DYSF: variants seen among roughly 807,000 people sequenced by gnomAD.
DYSF encodes dystrophy-associated fer-1-like 1.
A neutral mutation model predicts 274.9 loss-of-function variants in DYSF; 212 were observed. The ratio of observed to expected loss-of-function variants is 0.77; its 90% CI spans 0.69 to 0.86. The LOEUF is 0.86. Ranked by LOEUF, DYSF falls within the 40% of genes least tolerant of loss-of-function variation. DYSF has a pLI of 0.00. For missense variants in DYSF, 2,666 were observed against 2,783.2 expected (o/e 0.96, Z 0.95); for synonymous variants, 1,091 against 1,078.7 (o/e 1.01, Z -0.22).
chr2:71,628,396 T>C (rs918010763), intron 41 of DYSF, among the ~76,000 whole-genome samples: 4 of 149,324 alleles, frequency 2.7e-5, no homozygotes, highest in African/African-American at 9.8e-5. Flanking sequence ...CATTTTTTTC[T>C]TTTAGCTATA....
chr2:71,533,714 TTTTG>T (rs965121523), intron 14 of DYSF, among the ~76,000 whole-genome samples: 9 of 152,214 alleles, frequency 5.9e-5, no homozygotes, highest in African/African-American at 9.6e-5. Flanking sequence ...GGTCAAACTA[TTTTG>T]TTTTCCCACC....
At chr2:71,571,646 A>C (rs2092464442) in intron 29 of DYSF, among the ~76,000 whole-genome samples, 1 of 123,584 alleles carries the variant, frequency 8.1e-6, no homozygotes, top group South Asian at 2.7e-4. Flanking sequence ...ACATGCAGAG[A>C]TCACACACAG....
intron 1 of DYSF, among the ~76,000 whole-genome samples, chr2:71,472,999 C>G (rs2082145864): frequency 6.6e-6 from 1 of 152,216 alleles, no homozygotes; most frequent in African/African-American, 2.4e-5. Flanking sequence ...AGTTTAAAGA[C>G]TACTCTTCTT....
intron 12 of DYSF, among the ~76,000 whole-genome samples, chr2:71,523,825 G>A (rs1559073698): frequency 6.6e-6 from 1 of 152,222 alleles, no homozygotes. Flanking sequence ...AATTACAGGC[G>A]TGAGCCACTG....
At chr2:71,611,188 T>G (rs1042291921) in intron 36 of DYSF, 57 bp from the exon 37 acceptor site, 1 of 1,307,348 alleles carries the variant, frequency 7.6e-7, no homozygotes. Flanking sequence ...CTCTCTTGTC[T>G]TTTTGCCTTG....
At chr2:71,618,604 G>GGAGTGTGTGTGT (rs2094003397) in intron 40 of DYSF, among the ~76,000 whole-genome samples, 2 of 26,392 alleles carry the variant, frequency 7.6e-5, no homozygotes, top group African/African-American at 1.1e-4. Flanking sequence ...TGGTAGAGGT[G>GGAGTGTGTGTGT]GTGGGTGTGG....
chr2:71,473,286 T>TCCAGGTGTG (rs2082167412), intron 1 of DYSF, among the ~76,000 whole-genome samples: 1 of 152,244 alleles, frequency 6.6e-6, no homozygotes, highest in Non-Finnish European at 1.5e-5. Flanking sequence ...CCATCTTTTC[T>TCCAGGTGTG]CCTTTCACTT....
chr2:71,472,059 T>C lies in DYSF; in HGVS notation c.91+5126T>C, dbSNP rs1339540257. ...AACACCTTTATAAATATCTGCGTAA[T>C]ATTTTCTTATATGGATGCACCATCA... On this transcript the variant is annotated intron_variant, in intron 1 of 55. Coordinates refer to ENST00000410020, the MANE Select transcript of DYSF (RefSeq NM_001130987.2). Among the ~76,000 whole-genome samples the C allele has an allele frequency of 3.3e-5, 5 of 152,210 alleles. No individual in the cohort carries two copies. In the East Asian group the frequency reaches 7.7e-4, roughly 23 times the overall value.
chr2:71,652,595 A>G (rs1486620433), intron 42 of DYSF, among the ~76,000 whole-genome samples: 2 of 152,236 alleles, frequency 1.3e-5, no homozygotes, highest in African/African-American at 4.8e-5. Flanking sequence ...CCTGTATTAA[A>G]ATGTTAATAC....
intron 1 of DYSF, among the ~76,000 whole-genome samples, chr2:71,475,269 A>G (rs2082318532): frequency 6.6e-6 from 1 of 152,196 alleles, no homozygotes; most frequent in African/African-American, 2.4e-5. Context: ...CAGCGCTTCT[A>G]TCCTCTTGTG....
In DYSF at chr2:71,643,835, C is replaced by T. The variant is rs1350956262; in HGVS notation, c.4528-130C>T. ...AGGCGGAGGTTTCCTCTCTCTGCTC[C>T]CCCACATCACCCTTAGGAAAGCCTT... On this transcript the variant is annotated intron_variant, in intron 41 of 55. Coordinates refer to ENST00000410020, the MANE Select transcript of DYSF (RefSeq NM_001130987.2). 2.6e-5 allele frequency: 19 copies of T among 739,036 alleles called. No homozygotes were observed. In the Admixed American group the frequency reaches 3.6e-4, roughly 14 times the overall value. The allele number at this position is 739,036 out of a possible 1,614,324, so 45.8% of individuals were successfully genotyped here.
At chr2:71,645,958 G>A (rs1236726505) in intron 42 of DYSF, among the ~76,000 whole-genome samples, 1 of 152,148 alleles carries the variant, frequency 6.6e-6, no homozygotes, top group Non-Finnish European at 1.5e-5. Flanking sequence ...TGTCAGGGTA[G>A]CAGGTGGCCT....
chr2:71,559,551 G>A (rs988852137), intron 22 of DYSF, among the ~76,000 whole-genome samples: 1 of 152,148 alleles, frequency 6.6e-6, no homozygotes, highest in Admixed American at 6.5e-5. Flanking sequence ...CCTGCCTCAC[G>A]GAGCCCTAAC....
At chr2:71,655,490 T>TA (rs2094751200) in intron 42 of DYSF, among the ~76,000 whole-genome samples, 1 of 152,214 alleles carries the variant, frequency 6.6e-6, no homozygotes, top group Non-Finnish European at 1.5e-5. Context: ...ATCAGCATAA[T>TA]AAAAAACAGC....
chr2:71,568,829 G>A (rs538796567), intron 26 of DYSF, among the ~76,000 whole-genome samples: 4 of 151,934 alleles, frequency 2.6e-5, no homozygotes, highest in Non-Finnish European at 4.4e-5. Context: ...CCAAAGTGCT[G>A]GGGTTACAGG....
At chr2:71,468,751 A>T (rs1558930744) in intron 1 of DYSF, among the ~76,000 whole-genome samples, 1 of 152,244 alleles carries the variant, frequency 6.6e-6, no homozygotes, top group East Asian at 1.9e-4. Context: ...TCCTCTCTGG[A>T]TGACAAGCAG....
upstream of DYSF, chr2:71,466,633 C>G: frequency 7.7e-7 from 1 of 1,293,770 alleles, no homozygotes; most frequent in Admixed American, 3.7e-5. Flanking sequence ...GGGTAGGGGC[C>G]GGAGGGGGAG....
chr2:71,591,411 A>G (rs2093261743), intron 32 of DYSF, among the ~76,000 whole-genome samples: 1 of 152,188 alleles, frequency 6.6e-6, no homozygotes, highest in Non-Finnish European at 1.5e-5. Flanking sequence ...CCCCCAGGAA[A>G]TGGTCTCGTC....
chr2:71,623,847 A>G (rs1378331999), intron 41 of DYSF, among the ~76,000 whole-genome samples: 3 of 151,150 alleles, frequency 2.0e-5, no homozygotes, highest in African/African-American at 7.3e-5. Context: ...AGGTAGGCAA[A>G]TTGCTTGAGC....
Sources: allele counts gnomAD v4.1 joint callset (sites outside exome capture counted in the v4.1 genomes callset), GRCh38; gene constraint gnomAD v4.1.1; transcripts MANE v1.5; gene names NCBI Gene and HGNC (gene_info 2026-07-23, HGNC 2026-07-21).